Variants in DLG2 observed in about 807,000 individuals in gnomAD.
DLG2 encodes the protein disks large homolog 2.
DLG2 carries 45 observed loss-of-function variants against 132.5 expected under a neutral mutation model. The observed-to-expected ratio is 0.34, with a 90% confidence interval of 0.27 to 0.44. DLG2 has a LOEUF of 0.44. Among genes scored for constraint, DLG2 ranks in the 20% least tolerant of loss-of-function variants. The pLI is 1.00. For synonymous variants in DLG2, 424 were observed against 419.6 expected, an observed-to-expected ratio of 1.01 and a Z score of -0.13; for missense variants, 1,045 against 1,196.9, an observed-to-expected ratio of 0.87 and a Z score of 1.87.
intron 6 of DLG2, among the ~76,000 whole-genome samples, chr11:84,794,892 A>G (rs1322880035): frequency 6.6e-6 from 1 of 152,148 alleles, no homozygotes; most frequent in East Asian, 1.9e-4. Context: ...GCCTGCAGGC[A>G]CCGCTTGGCA....
chr11:84,169,213 A>G (rs2095754127), intron 8 of DLG2, among the ~76,000 whole-genome samples: 2 of 152,230 alleles, frequency 1.3e-5, no homozygotes, highest in Non-Finnish European at 2.9e-5. Context: ...GTGATTAAAG[A>G]AATTTTAGCT....
chr11:85,413,168 T>A (rs985896437), intron 3 of DLG2, among the ~76,000 whole-genome samples: 1 of 152,016 alleles, frequency 6.6e-6, no homozygotes. Context: ...ATTAGTGATG[T>A]TGATCATTTT....
intron 4 of DLG2, among the ~76,000 whole-genome samples, chr11:85,162,064 C>T (rs2078072937): frequency 6.6e-6 from 1 of 152,176 alleles, no homozygotes; most frequent in Non-Finnish European, 1.5e-5. Flanking sequence ...ACAATGATTC[C>T]ATTAACCTGG....
At chr11:85,334,310 G>T (rs1469960721) in intron 3 of DLG2, among the ~76,000 whole-genome samples, 1 of 151,790 alleles carries the variant, frequency 6.6e-6, no homozygotes, top group Non-Finnish European at 1.5e-5. Flanking sequence ...TGTTTACTTG[G>T]ATCTTCTCTC....
At chr11:85,307,558 C>A (rs779082586) in intron 3 of DLG2, among the ~76,000 whole-genome samples, 35 of 152,154 alleles carry the variant, frequency 2.3e-4, no homozygotes, top group Non-Finnish European at 5.0e-4. Context: ...ATAATGAGGT[C>A]ATTTTTCTCT....
intron 6 of DLG2, among the ~76,000 whole-genome samples, chr11:84,768,957 A>T (rs909987713): frequency 5.3e-5 from 8 of 152,168 alleles, no homozygotes; most frequent in Non-Finnish European, 1.2e-4. Context: ...ATATATTAAT[A>T]ACATTGTAGG....
intron 8 of DLG2, among the ~76,000 whole-genome samples, chr11:84,212,252 C>T (rs773960897): frequency 6.6e-6 from 1 of 152,150 alleles, no homozygotes; most frequent in African/African-American, 2.4e-5. Context: ...TATAGTGATA[C>T]CAGAGCATAT....
chr11:84,464,750 A>C (rs2099089504), intron 7 of DLG2, among the ~76,000 whole-genome samples: 2 of 151,164 alleles, frequency 1.3e-5, no homozygotes, highest in Non-Finnish European at 3.0e-5. Context: ...CTTCTGAATG[A>C]AATTCAACAT....
At chr11:84,687,971 A>T (rs1434792909) in intron 6 of DLG2, among the ~76,000 whole-genome samples, 1 of 152,176 alleles carries the variant, frequency 6.6e-6, no homozygotes, top group African/African-American at 2.4e-5. Flanking sequence ...AACTTCATAG[A>T]AGTAGCATTT....
chr11:85,367,243 G>C (rs927843196), intron 3 of DLG2, among the ~76,000 whole-genome samples: 2 of 152,088 alleles, frequency 1.3e-5, no homozygotes, highest in Non-Finnish European at 1.5e-5. Flanking sequence ...TTGTTCAAAT[G>C]TTCTAGAGGC....
At chr11:85,381,892 T>C (rs1182278290) in intron 3 of DLG2, among the ~76,000 whole-genome samples, 1 of 152,116 alleles carries the variant, frequency 6.6e-6, no homozygotes, top group Non-Finnish European at 1.5e-5. Flanking sequence ...AACGCAATAT[T>C]GTTAAGATGG....
chr11:84,885,261 T>C (rs2088057650), intron 6 of DLG2, among the ~76,000 whole-genome samples: 3 of 150,670 alleles, frequency 2.0e-5, no homozygotes, highest in Admixed American at 2.0e-4. Flanking sequence ...GGTAACAATT[T>C]AATGAACCAG....
At chr11:85,479,516 A>T (rs2093234559) in intron 3 of DLG2, among the ~76,000 whole-genome samples, 1 of 152,248 alleles carries the variant, frequency 6.6e-6, no homozygotes. Context: ...CCATAAAAAC[A>T]TTACTTTAAA....
intron 6 of DLG2, among the ~76,000 whole-genome samples, chr11:84,858,837 CAAAAAG>C (rs2083157262): frequency 6.6e-6 from 1 of 151,668 alleles, no homozygotes; most frequent in African/African-American, 2.4e-5. Context: ...AGTACTCAAA[CAAAAAG>C]AAACAATTAG....
At chr11:85,141,411 ATTAT>A (rs1271298639) in intron 5 of DLG2, among the ~76,000 whole-genome samples, 2 of 151,710 alleles carry the variant, frequency 1.3e-5, no homozygotes, top group African/African-American at 2.4e-5. Context: ...TTAAAATCAG[ATTAT>A]TTGTTTTTTT....
chr11:84,824,806 C>A (rs1334224743), intron 6 of DLG2, among the ~76,000 whole-genome samples: 1 of 151,806 alleles, frequency 6.6e-6, no homozygotes, highest in Non-Finnish European at 1.5e-5. Flanking sequence ...TCAGAGCTAA[C>A]AATTACCAGA....
chr11:84,437,212 C>T (rs989102614), intron 7 of DLG2, among the ~76,000 whole-genome samples: 3 of 152,136 alleles, frequency 2.0e-5, no homozygotes, highest in African/African-American at 2.4e-5. Context: ...TGCTCCCCTC[C>T]CAAGCAAGCT....
intron 3 of DLG2, among the ~76,000 whole-genome samples, chr11:85,521,297 C>A (rs978750351): frequency 6.6e-6 from 1 of 152,166 alleles, no homozygotes; most frequent in Middle Eastern, 3.2e-3. Context: ...GCTTTTCCCC[C>A]ACTTTGCTCT....
At chr11:83,862,907 C>G (rs1400309) in intron 16 of DLG2, among the ~76,000 whole-genome samples, 128,823 of 152,116 alleles carry the variant, frequency 0.85, 54,685 homozygotes, top group Non-Finnish European at 0.86. Flanking sequence ...GCTTGGGAGA[C>G]TGCCCAGTAA....
Sources: gnomAD v4.1 joint callset for allele counts (sites outside exome capture counted in the v4.1 genomes callset) on GRCh38, gnomAD v4.1.1 for gene constraint, MANE v1.5 for transcripts, NCBI Gene and HGNC (gene_info 2026-07-23, HGNC 2026-07-21) for gene names.